Variants in NCOA2 observed in about 807,000 individuals in gnomAD.
NCOA2 encodes class E basic helix-loop-helix protein 75.
Under a neutral mutation model 145.1 loss-of-function variants are expected in NCOA2, and 21 were observed. The ratio of observed to expected loss-of-function variants is 0.14; its 90% CI spans 0.10 to 0.21. The LOEUF is 0.21. Among genes scored for constraint, NCOA2 ranks in the 10% least tolerant of loss-of-function variants. The pLI is 1.00. For synonymous variants in NCOA2, 619 were observed against 637.5 expected (o/e 0.97, Z 0.44); for missense variants, 1,472 against 1,837.6 (o/e 0.80, Z 3.64).
chr8:70,144,958 G>A, intron 12 of NCOA2, 110 bp from the exon 13 acceptor site: 1 of 918,330 alleles, frequency 1.1e-6, no homozygotes, highest in Admixed American at 2.2e-5. Flanking sequence ...ATGTATGTCA[G>A]GGACCAACTA....
chr8:70,165,355 C>T (rs183767463), intron 7 of NCOA2, among the ~76,000 whole-genome samples: 1 of 152,326 alleles, frequency 6.6e-6, no homozygotes, highest in East Asian at 1.9e-4. Context: ...AACCTTATTA[C>T]ATTCTGATAC....
chr8:70,231,416 G>A (rs1298669997), intron 2 of NCOA2, among the ~76,000 whole-genome samples: 1 of 152,210 alleles, frequency 6.6e-6, no homozygotes, highest in East Asian at 1.9e-4. Context: ...TAATGCTGTT[G>A]TGCAGATGAA....
chr8:70,383,494 G>GTT lies in NCOA2; in HGVS notation c.-77+20204_-77+20205dup, dbSNP rs141542084. 3.1e-4 allele frequency among the ~76,000 whole-genome samples: 47 copies of GTT among 151,258 alleles called. No individual in the cohort carries two copies. In the South Asian group the frequency reaches 3.1e-3, roughly 10 times the overall value. On this transcript the variant is annotated intron_variant, in intron 1 of 22. Transcript: ENST00000452400. ...GAAGAGGGACACTAAAATCATCCTA[G>GTT]TTTTTTTTGTTTTTGTTTTTGTTTT...
chr8:70,327,725 A>G (rs1287869401), intron 1 of NCOA2, among the ~76,000 whole-genome samples: 1 of 152,218 alleles, frequency 6.6e-6, no homozygotes, highest in Non-Finnish European at 1.5e-5. Context: ...GAAAGCAATC[A>G]CACAGTAGAT....
the NCOA2 span, among the ~76,000 whole-genome samples, chr8:70,440,740 A>C: frequency 7.6e-6 from 1 of 130,840 alleles, no homozygotes; most frequent in Non-Finnish European, 1.8e-5. Context: ...GAGAGAAAGA[A>C]AGAAAAGAAA....
chr8:70,432,880 A>G, the NCOA2 span, among the ~76,000 whole-genome samples: 1 of 152,178 alleles, frequency 6.6e-6, no homozygotes, highest in South Asian at 2.1e-4. Context: ...ATTTTAACAA[A>G]AAACAGCTGA....
chr8:70,231,676 C>T (rs1821143903), intron 2 of NCOA2, among the ~76,000 whole-genome samples: 1 of 152,200 alleles, frequency 6.6e-6, no homozygotes, highest in South Asian at 2.1e-4. Context: ...TGACAGGCCA[C>T]CACTTCCCTG....
At chr8:70,253,231 T>C (rs1269886836) in intron 2 of NCOA2, among the ~76,000 whole-genome samples, 1 of 152,208 alleles carries the variant, frequency 6.6e-6, no homozygotes, top group African/African-American at 2.4e-5. Flanking sequence ...TAATAGTTTA[T>C]AATAATGAAA....
At chr8:70,200,254 G>A (rs1165111283) in intron 4 of NCOA2, among the ~76,000 whole-genome samples, 1 of 152,022 alleles carries the variant, frequency 6.6e-6, no homozygotes, top group Non-Finnish European at 1.5e-5. Context: ...CATAAAATAT[G>A]TATATTTATT....
intron 2 of NCOA2, among the ~76,000 whole-genome samples, chr8:70,222,115 T>C (rs1207002479): frequency 6.6e-6 from 1 of 152,180 alleles, no homozygotes; most frequent in African/African-American, 2.4e-5. Flanking sequence ...AAACTGTACA[T>C]TAATTCATAT....
chr8:70,206,935 T>G (rs1490693248), intron 4 of NCOA2, among the ~76,000 whole-genome samples: 1 of 152,204 alleles, frequency 6.6e-6, no homozygotes, highest in Non-Finnish European at 1.5e-5. Context: ...TGTGCCAGCT[T>G]CTTTAATAAT....
chr8:70,164,112 T>G (rs2132463231), intron 7 of NCOA2, among the ~76,000 whole-genome samples: 1 of 152,278 alleles, frequency 6.6e-6, no homozygotes, highest in African/African-American at 2.4e-5. Context: ...TAGACGCAGA[T>G]TCAGAGAACG....
intron 4 of NCOA2, among the ~76,000 whole-genome samples, chr8:70,193,908 GATGAAT>G (rs1186131419): frequency 1.3e-5 from 2 of 151,980 alleles, no homozygotes; most frequent in African/African-American, 4.8e-5. Flanking sequence ...GCATCTCAGT[GATGAAT>G]GTACGGGAAG....
At chr8:70,275,491 T>A (rs1416273379) in intron 2 of NCOA2, among the ~76,000 whole-genome samples, 1 of 152,126 alleles carries the variant, frequency 6.6e-6, no homozygotes, top group African/African-American at 2.4e-5. Context: ...TGAATAATCT[T>A]TAGCAATACA....
intron 2 of NCOA2, among the ~76,000 whole-genome samples, chr8:70,237,650 G>C (rs2926716): frequency 4.0e-5 from 6 of 151,852 alleles, no homozygotes; most frequent in African/African-American, 1.5e-4. Flanking sequence ...TGCCCCTGTA[G>C]TTCCACAAAC....
chr8:70,114,270 C>G (rs1265864054), intron 22 of NCOA2, among the ~76,000 whole-genome samples: 1 of 152,150 alleles, frequency 6.6e-6, no homozygotes, highest in African/African-American at 2.4e-5. Context: ...AAGTGATCTG[C>G]CCGCCTTGGC....
At chr8:70,244,135 AG>A in intron 2 of NCOA2, among the ~76,000 whole-genome samples, 1 of 152,248 alleles carries the variant, frequency 6.6e-6, no homozygotes. Flanking sequence ...CAATTTCAAA[AG>A]GGAACTGTAT....
At chr8:70,204,407 A>C (rs1656990548) in intron 4 of NCOA2, among the ~76,000 whole-genome samples, 1 of 152,236 alleles carries the variant, frequency 6.6e-6, no homozygotes, top group Non-Finnish European at 1.5e-5. Context: ...AATCTAAGAG[A>C]GTTAACAGTT....
intron 1 of NCOA2, among the ~76,000 whole-genome samples, chr8:70,345,312 G>GT (rs1808512359): frequency 6.6e-6 from 1 of 152,162 alleles, no homozygotes; most frequent in African/African-American, 2.4e-5. Context: ...ATTTAGAAAT[G>GT]TATTTTTTCA....
Sources: gnomAD v4.1 joint callset for allele counts (sites outside exome capture counted in the v4.1 genomes callset) on GRCh38, gnomAD v4.1.1 for gene constraint, MANE v1.5 for transcripts, NCBI Gene and HGNC (gene_info 2026-07-23, HGNC 2026-07-21) for gene names.